SUN3: variants seen among roughly 807,000 people sequenced by gnomAD.
SUN3 encodes the protein SUN domain-containing protein 3.
A neutral mutation model predicts 48.2 loss-of-function variants in SUN3; 36 were observed. That is an observed-to-expected ratio of 0.75 (90% confidence interval 0.57 to 0.99). The LOEUF is 0.99. SUN3 is among the 50% of genes least tolerant of loss of function. SUN3 has a pLI of 0.00. For missense variants in SUN3, 419 were observed against 433.1 expected (o/e 0.97, Z 0.29); for synonymous variants, 148 against 147.9 (o/e 1.00, Z 0.00).
Position 47,996,031 on chromosome 7 carries a change from C to T in SUN3, c.693G>A (p.Gln231=), listed in dbSNP as rs780119234. The T allele has an allele frequency of 4.1e-6, 6 of 1,469,028 alleles. No individual in the cohort carries two copies. The African/African-American group carries it at 4.4e-5, about 11-fold the overall frequency. The allele number at this position is 1,469,028 out of a possible 1,614,324, so 91.0% of individuals were successfully genotyped here. ...NHEMPPDIIL[Q]PDVYPGKCWA... ...TAAGTGATTCTTAATTTAGCTTTAC[C>T]TGAAGAATAATATCTGGAGGCATTT... Residue 231 remains glutamine, a splice_region_variant and synonymous_variant, in exon 7 of 10, where the codon CAG becomes CAA. Coordinates refer to ENST00000297325, the MANE Select transcript of SUN3 (RefSeq NM_001030019.2).
At chr7:48,020,082 C>T (rs1789949542) in intron 2 of SUN3, among the ~76,000 whole-genome samples, 1 of 151,732 alleles carries the variant, frequency 6.6e-6, no homozygotes, top group Non-Finnish European at 1.5e-5. Context: ...AAACTGAATT[C>T]CATGATACAT....
At chr7:47,999,812 G>A (rs1789310709) in intron 6 of SUN3, among the ~76,000 whole-genome samples, 1 of 152,200 alleles carries the variant, frequency 6.6e-6, no homozygotes, top group African/African-American at 2.4e-5. Context: ...CAGGATTATA[G>A]GCGTGAGCCA....
rs869166401 is a variant in SUN3 at position 48,019,977 on chromosome 7, C to CAA, written c.185-2614_185-2613dup. Among the ~76,000 whole-genome samples, 226 of 64,114 alleles carry CAA rather than the reference C, an allele frequency of 3.5e-3. 1 individual carries two copies. The highest frequency in any genetic ancestry group is 3.8e-3 in the East Asian group (6 of 1,592). 42.1% of individuals were successfully genotyped at this position (64,114 alleles called of 152,430 possible). A position where few individuals can be genotyped will look rare whatever the true frequency, so the allele number is the denominator to read the frequency against. ...ATATGAAAACCAGACAAAGACACAT[C>CAA]AAAAAAAAAAAAAAAAAAAAAAAAG... On this transcript the variant is annotated intron_variant, in intron 2 of 9. Transcript: ENST00000297325.
At chr7:48,008,882 G>T (rs1207267805) in intron 4 of SUN3, among the ~76,000 whole-genome samples, 153 bp downstream of exon 4, 2 of 151,966 alleles carry the variant, frequency 1.3e-5, no homozygotes, top group East Asian at 1.9e-4. Context: ...TGCTAGGAAT[G>T]ATATCATTAA....
chr7:48,029,611 T>G (rs1790227023), upstream of SUN3, among the ~76,000 whole-genome samples: 1 of 152,240 alleles, frequency 6.6e-6, no homozygotes, highest in Admixed American at 6.5e-5. Flanking sequence ...CACAATTCAT[T>G]TACCCATCCT....
chr7:48,035,514 GT>G, the SUN3 span: 1 of 697,748 alleles, frequency 1.4e-6, no homozygotes, highest in African/African-American at 1.8e-5. The surrounding 1 kb of genome is among the most constrained non-coding windows in gnomAD (Gnocchi z 4.0). Context: ...CGACGCCGAT[GT>G]TGTGGTTCCG....
Position 47,987,324 on chromosome 7 carries a change from A to G in SUN3, c.*6T>C, listed in dbSNP as rs1788927805. 5 of 1,608,896 alleles carry G rather than the reference A, an allele frequency of 3.1e-6. No individual in the cohort carries two copies. The highest frequency in any genetic ancestry group is 2.2e-5 in the East Asian group (1 of 44,608). ...ACATGTGGCATGGCCTTCTGTACCAACTCTTCTAGATGTGCTTGCCTGGTG... is the reference window on the plus strand; with the variant it reads ...ACATGTGGCATGGCCTTCTGTACCAGCTCTTCTAGATGTGCTTGCCTGGTG... On this transcript the variant is annotated 3_prime_UTR_variant, in exon 10 of 10. Transcript: ENST00000297325.
chr7:48,001,205 A>G (rs1789357025), intron 6 of SUN3, among the ~76,000 whole-genome samples: 1 of 152,224 alleles, frequency 6.6e-6, no homozygotes, highest in East Asian at 1.9e-4. Flanking sequence ...CCTAGTATCC[A>G]TTAGTTATTT....
chr7:47,999,415 T>C (rs2128772814), intron 6 of SUN3, among the ~76,000 whole-genome samples: 1 of 152,308 alleles, frequency 6.6e-6, no homozygotes, highest in African/African-American at 2.4e-5. Context: ...GCCATTTTTT[T>C]CCTTTCTAAT....
intron 5 of SUN3, 35 bp from the exon 6 acceptor site, chr7:48,006,088 A>T (rs771076057): frequency 7.0e-7 from 1 of 1,436,208 alleles, no homozygotes; most frequent in Non-Finnish European, 9.7e-7. Context: ...TCTGTTAACA[A>T]TCTTTGCCAA....
At chr7:47,990,413 T>C (rs920264056) in intron 8 of SUN3, among the ~76,000 whole-genome samples, 5 of 152,158 alleles carry the variant, frequency 3.3e-5, no homozygotes, top group Non-Finnish European at 7.4e-5. Flanking sequence ...ATTACCCTAT[T>C]GTCCTGCCAC....
Position 47,996,137 on chromosome 7 carries a change from A to G in SUN3, c.587T>C (p.Ile196Thr). 1.3e-6 allele frequency: 2 copies of G among 1,556,928 alleles called. No homozygotes were observed. The highest frequency in any genetic ancestry group is 1.4e-5 in the African/African-American group (1 of 72,162). The change falls in exon 7 of 10, where the codon ATC (isoleucine) becomes ACC (threonine). Residue 196 changes from isoleucine to threonine, a missense_variant. Ile to Thr is a moderately conservative substitution (Grantham distance 89). Transcript: ENST00000297325. The stretch of plus-strand genomic sequence containing the variant: ...ACTTTCTGAGGTCCCAGCTTCAATG[A>G]TGGAGGCTCCTAAAATTATAAAGTA... ...DYALKSAGAS[I>T]IEAGTSESYK...
chr7:47,989,056 A>G (rs1271442785), intron 8 of SUN3, 176 bp from the exon 9 acceptor site: 13 of 448,298 alleles, frequency 2.9e-5, no homozygotes, highest in Admixed American at 1.2e-4. Flanking sequence ...ATGAGGCCCA[A>G]GGCTGATCAC....
intron 4 of SUN3, 142 bp from the exon 5 acceptor site, chr7:48,007,469 G>A: frequency 2.8e-6 from 2 of 723,366 alleles, no homozygotes; most frequent in Non-Finnish European, 4.4e-6. Context: ...AGCAGAGCAT[G>A]CCCATTTCTC....
rs532279590 is a variant in SUN3 at position 48,002,320 on chromosome 7, G to A, written c.577+3649C>T. Among the ~76,000 whole-genome samples the A allele has an allele frequency of 1.2e-4, 17 of 144,268 alleles. 1 individual carries two copies. Among genetic ancestry groups the A allele is most frequent in the Middle Eastern group, 3.4e-3 (1 of 292 alleles). The allele number at this position is 144,268 out of a possible 152,430, so 94.6% of individuals were successfully genotyped here. ...GACCACAGGCGCCCGCACCACGCCC[G>A]GCTAATTTTTTGTATTTTTAGTAGA... On this transcript the variant is annotated intron_variant, in intron 6 of 9. Coordinates refer to ENST00000297325, the MANE Select transcript of SUN3 (RefSeq NM_001030019.2).
chr7:48,000,683 CCTTCT>C (rs375819051), intron 6 of SUN3, among the ~76,000 whole-genome samples: 5 of 152,224 alleles, frequency 3.3e-5, no homozygotes, highest in African/African-American at 1.2e-4. Flanking sequence ...CATGTCGTTT[CCTTCT>C]CTTCTGGTCT....
At chr7:48,026,698 G>A (rs552244620) in intron 1 of SUN3, among the ~76,000 whole-genome samples, 12 of 152,228 alleles carry the variant, frequency 7.9e-5, no homozygotes, top group African/African-American at 2.4e-4. Flanking sequence ...GAGGTTATGA[G>A]TGGGACTCTA....
chr7:48,006,161 G>C, intron 5 of SUN3, 108 bp from the exon 6 acceptor site: 1 of 712,438 alleles, frequency 1.4e-6, no homozygotes, highest in Non-Finnish European at 2.4e-6. Flanking sequence ...TAGAATAGCA[G>C]TGAGCCCCTA....
the SUN3 span, chr7:48,035,510 C>A: frequency 1.4e-6 from 1 of 697,406 alleles, no homozygotes; most frequent in South Asian, 1.5e-5. This position sits in a 1 kb window ranked among gnomAD's most constrained non-coding sequence, Gnocchi z 4.0. Flanking sequence ...CTGGCGACGC[C>A]GATGTTGTGG....
Sources: allele counts gnomAD v4.1 joint callset (sites outside exome capture counted in the v4.1 genomes callset), GRCh38; gene constraint gnomAD v4.1.1; non-coding constraint Gnocchi (gnomAD v3.1); transcripts MANE v1.5; gene names NCBI Gene and HGNC (gene_info 2026-07-23, HGNC 2026-07-21).